The following ST8SIA6 variants were observed in gnomAD, a reference collection of about 807,000 sequenced individuals.
The protein encoded by ST8SIA6 is alpha-2,8-sialyltransferase 8F.
Under a neutral mutation model 33.6 loss-of-function variants are expected in ST8SIA6, and 39 were observed. The observed-to-expected ratio is 1.16, with a 90% CI of 0.90 to 1.52. The LOEUF (loss-of-function observed/expected upper bound fraction) is 1.52. Ranked by LOEUF, ST8SIA6 falls within the 40% of genes most tolerant of loss-of-function variation. The pLI, the probability that ST8SIA6 is intolerant of heterozygous loss-of-function variation, is 0.00. For synonymous variants in ST8SIA6, 172 were observed against 167.2 expected (o/e 1.03, Z -0.22); for missense variants, 441 against 443.8 (o/e 0.99, Z 0.06).
At chr10:17,394,727 C>T (rs1025654715) in intron 2 of ST8SIA6, among the ~76,000 whole-genome samples, 3 of 152,174 alleles carry the variant, frequency 2.0e-5, no homozygotes, top group Non-Finnish European at 4.4e-5. Flanking sequence ...AGAGAGGACA[C>T]TAGCTGTGAG....
At chr10:17,396,255 A>G (rs1850801889) in intron 2 of ST8SIA6, among the ~76,000 whole-genome samples, 1 of 152,312 alleles carries the variant, frequency 6.6e-6, no homozygotes, top group South Asian at 2.1e-4. Context: ...TAATGTAGCA[A>G]TACAGCCCCT....
At chr10:17,329,752 T>C (rs1848238909) in intron 5 of ST8SIA6, among the ~76,000 whole-genome samples, 1 of 152,224 alleles carries the variant, frequency 6.6e-6, no homozygotes, top group East Asian at 1.9e-4. Context: ...GTATCTCATG[T>C]TCAGTATGAA....
chr10:17,370,384 G>A (rs1166070445), intron 3 of ST8SIA6, among the ~76,000 whole-genome samples: 1 of 152,170 alleles, frequency 6.6e-6, no homozygotes, highest in Non-Finnish European at 1.5e-5. Context: ...TTTGTTTGCT[G>A]TATGTTTCAT....
chr10:17,365,865 T>C (rs1397286048), intron 3 of ST8SIA6, among the ~76,000 whole-genome samples: 1 of 152,220 alleles, frequency 6.6e-6, no homozygotes, highest in Non-Finnish European at 1.5e-5. Context: ...CCAGCCATTT[T>C]TCATCCATTG....
chr10:17,384,365 A>G (rs1488375300), intron 3 of ST8SIA6, among the ~76,000 whole-genome samples: 1 of 152,252 alleles, frequency 6.6e-6, no homozygotes, highest in Non-Finnish European at 1.5e-5. Context: ...ACAGAGTTCC[A>G]TCAAAGCCAA....
intron 4 of ST8SIA6, among the ~76,000 whole-genome samples, chr10:17,357,448 T>G (rs1849237385): frequency 6.6e-6 from 1 of 152,010 alleles, no homozygotes; most frequent in Non-Finnish European, 1.5e-5. Context: ...TCAGTTCTTT[T>G]AAAAACTGGT....
intron 3 of ST8SIA6, among the ~76,000 whole-genome samples, chr10:17,389,343 C>T (rs1343512932): frequency 6.6e-6 from 1 of 152,182 alleles, no homozygotes; most frequent in Non-Finnish European, 1.5e-5. Flanking sequence ...AAGGTGAAAC[C>T]ACTGGGCGTT....
At position 17,449,559 on chromosome 10, in the gene ST8SIA6, T is replaced by C. The variant is rs898607523; in HGVS notation, c.200+4000A>G. 2.6e-5 allele frequency among the ~76,000 whole-genome samples: 4 copies of C among 152,114 alleles called. No homozygotes were observed. The East Asian group carries it at 7.7e-4, about 29-fold the overall frequency. ...AATAATCCACTTTAGACAAGTAAAA[T>C]AGAATTTTCTGCAGCCTCAAGAGAA... is the stretch of plus-strand genomic sequence containing the variant. On this transcript the variant is annotated intron_variant, in intron 2 of 7. Coordinates refer to ENST00000377602, the MANE Select transcript of ST8SIA6 (RefSeq NM_001004470.3).
chr10:17,359,213 C>G (rs1234737249), intron 4 of ST8SIA6, among the ~76,000 whole-genome samples: 2 of 152,110 alleles, frequency 1.3e-5, no homozygotes, highest in East Asian at 3.8e-4. Flanking sequence ...CAAATAAATA[C>G]TAAATGTAAA....
chr10:17,347,477 G>A (rs1185385497), intron 4 of ST8SIA6, among the ~76,000 whole-genome samples: 1 of 151,904 alleles, frequency 6.6e-6, no homozygotes, highest in African/African-American at 2.4e-5. Flanking sequence ...ACCTGTTGTG[G>A]TTTTAATTCA....
intron 2 of ST8SIA6, among the ~76,000 whole-genome samples, chr10:17,427,281 A>C (rs1851969277): frequency 6.6e-6 from 1 of 152,198 alleles, no homozygotes; most frequent in South Asian, 2.1e-4. Context: ...ACTGGGTTTC[A>C]ACTGGAGGGT....
chr10:17,362,858 C>T (rs1005363219), intron 3 of ST8SIA6, among the ~76,000 whole-genome samples: 2 of 151,920 alleles, frequency 1.3e-5, no homozygotes, highest in Non-Finnish European at 2.9e-5. Context: ...ATTACAGGCG[C>T]GCGTCCCCAT....
intron 3 of ST8SIA6, among the ~76,000 whole-genome samples, chr10:17,374,458 G>A (rs201506074): frequency 0.37 from 56,156 of 151,362 alleles, 10,607 homozygotes; most frequent in East Asian, 0.59. Context: ...TCATGCCTAT[G>A]ATTATAGGCC....
At chr10:17,447,677 C>A (rs1046498587) in intron 2 of ST8SIA6, among the ~76,000 whole-genome samples, 6 of 151,960 alleles carry the variant, frequency 3.9e-5, no homozygotes, top group Non-Finnish European at 8.8e-5. Context: ...GGTTGTTAAG[C>A]AATAACTCAA....
chr10:17,361,013 T>C (rs1246321886), intron 3 of ST8SIA6, among the ~76,000 whole-genome samples: 1 of 151,948 alleles, frequency 6.6e-6, no homozygotes, highest in Non-Finnish European at 1.5e-5. Flanking sequence ...CCAATCCACA[T>C]GTTGTCTACA....
At chr10:17,446,644 G>A (rs1852717697) in intron 2 of ST8SIA6, among the ~76,000 whole-genome samples, 1 of 152,106 alleles carries the variant, frequency 6.6e-6, no homozygotes, top group Admixed American at 6.6e-5. Flanking sequence ...ATCTGAAAGA[G>A]AAATAAAGTT....
chr10:17,431,559 G>T (rs1247578247), intron 2 of ST8SIA6, among the ~76,000 whole-genome samples: 1 of 152,014 alleles, frequency 6.6e-6, no homozygotes, highest in African/African-American at 2.4e-5. Context: ...GAACAACAAC[G>T]CAGAGCCCGC....
chr10:17,408,615 G>A (rs1851349748), intron 2 of ST8SIA6, among the ~76,000 whole-genome samples: 1 of 151,698 alleles, frequency 6.6e-6, no homozygotes, highest in African/African-American at 2.4e-5. Flanking sequence ...AGCCGCGATG[G>A]TGCCACTGCA....
chr10:17,439,790 G>C (rs911974270), intron 2 of ST8SIA6, among the ~76,000 whole-genome samples: 1 of 152,182 alleles, frequency 6.6e-6, no homozygotes, highest in African/African-American at 2.4e-5. Context: ...GTGAAGAAGA[G>C]GAATCACTAC....
Sources: gnomAD v4.1 joint callset for allele counts (sites outside exome capture counted in the v4.1 genomes callset) on GRCh38, gnomAD v4.1.1 for gene constraint, MANE v1.5 for transcripts, NCBI Gene and HGNC (gene_info 2026-07-23, HGNC 2026-07-21) for gene names.